The following RBMS1 variants were observed in gnomAD, a reference collection of about 807,000 sequenced individuals.
RBMS1 encodes the protein RNA binding motif single stranded interacting protein 1, also known as RNA-binding motif, single-stranded-interacting protein 1.
Under a neutral mutation model 62.3 loss-of-function variants are expected in RBMS1, and 17 were observed. The observed-to-expected ratio is 0.27, with a 90% CI of 0.19 to 0.41. The LOEUF is 0.41. RBMS1 is among the 10% of genes least tolerant of loss of function. The pLI is 1.00. For missense variants in RBMS1, 334 were observed against 504.5 expected (o/e 0.66, Z 3.24); for synonymous variants, 172 against 170.0 (o/e 1.01, Z -0.09).
At chr2:160,463,084 A>T (rs1684536804) in intron 1 of RBMS1, among the ~76,000 whole-genome samples, 1 of 144,642 alleles carries the variant, frequency 6.9e-6, no homozygotes, top group Non-Finnish European at 1.5e-5. Flanking sequence ...CGCTGTCAAG[A>T]GAAGAAAGAA....
chr2:160,298,627 G>A (rs1247202456), intron 6 of RBMS1, among the ~76,000 whole-genome samples: 1 of 152,128 alleles, frequency 6.6e-6, no homozygotes, highest in Admixed American at 6.5e-5. Flanking sequence ...GATGAGTGAG[G>A]GGCCAGCAGT....
At chr2:160,331,230 A>G (rs1032165743) in intron 2 of RBMS1, among the ~76,000 whole-genome samples, 2 of 152,174 alleles carry the variant, frequency 1.3e-5, no homozygotes, top group African/African-American at 2.4e-5. Context: ...ATAAAACTCC[A>G]GCCAGCTTGC....
At chr2:160,453,703 C>T (rs752878329) in intron 1 of RBMS1, among the ~76,000 whole-genome samples, 1 of 152,132 alleles carries the variant, frequency 6.6e-6, no homozygotes, top group Non-Finnish European at 1.5e-5. Context: ...TACAAAATAA[C>T]ACCCAAGCTC....
chr2:160,274,916 C>A (rs572592485), intron 13 of RBMS1, among the ~76,000 whole-genome samples, 152 bp from the exon 14 acceptor site: 43 of 152,304 alleles, frequency 2.8e-4, no homozygotes, highest in African/African-American at 9.9e-4. Flanking sequence ...GACTCTGGAA[C>A]TGATGGTTAC....
chr2:160,383,252 G>T (rs1373331637), intron 1 of RBMS1, among the ~76,000 whole-genome samples: 1 of 152,088 alleles, frequency 6.6e-6, no homozygotes, highest in African/African-American at 2.4e-5. Context: ...GCTGTTCCTT[G>T]CCTTGTGACG....
chr2:160,492,263 A>C (rs966835120), intron 1 of RBMS1, among the ~76,000 whole-genome samples: 3 of 152,092 alleles, frequency 2.0e-5, no homozygotes, highest in Non-Finnish European at 2.9e-5. Flanking sequence ...ACCCTCCCAA[A>C]TTCTGGCGGC....
At chr2:160,443,241 C>T (rs796065726) in intron 1 of RBMS1, among the ~76,000 whole-genome samples, 24 of 150,598 alleles carry the variant, frequency 1.6e-4, no homozygotes, top group African/African-American at 5.1e-4. Flanking sequence ...AAAACCTTGA[C>T]TTACACAGAA....
intron 1 of RBMS1, among the ~76,000 whole-genome samples, chr2:160,382,209 C>A (rs1359755081): frequency 6.6e-6 from 1 of 152,146 alleles, no homozygotes; most frequent in Admixed American, 6.5e-5. Context: ...GTGAAGTTGG[C>A]AAGGGCTAGA....
chr2:160,427,609 T>A (rs1682691606), intron 1 of RBMS1, among the ~76,000 whole-genome samples: 1 of 152,184 alleles, frequency 6.6e-6, no homozygotes, highest in South Asian at 2.1e-4. Flanking sequence ...TATCAAAGAC[T>A]AAAATTCTTG....
chr2:160,383,464 G>GA (rs55985692), intron 1 of RBMS1, among the ~76,000 whole-genome samples: 56,936 of 144,718 alleles, frequency 0.39, 12,552 homozygotes, highest in East Asian at 0.62. Context: ...GGGGGGGGGG[G>GA]AACTGACCCA....
At chr2:160,324,880 GTGTATATATATATATATA>G (rs1432415334) in intron 2 of RBMS1, among the ~76,000 whole-genome samples, 1 of 76,096 alleles carries the variant, frequency 1.3e-5, no homozygotes, top group Non-Finnish European at 2.8e-5. Flanking sequence ...GTGTGTGTGT[GTGTATATATATATATATA>G]TATATATATA....
intron 1 of RBMS1, among the ~76,000 whole-genome samples, chr2:160,379,780 T>C (rs1382742277): frequency 6.6e-6 from 1 of 152,248 alleles, no homozygotes; most frequent in African/African-American, 2.4e-5. Context: ...TCATAAAGCA[T>C]CATTTCATCT....
At chr2:160,464,727 A>C (rs531947148) in intron 1 of RBMS1, among the ~76,000 whole-genome samples, 2 of 152,206 alleles carry the variant, frequency 1.3e-5, no homozygotes, top group Non-Finnish European at 2.9e-5. Context: ...GAGTTCATTC[A>C]ATTGCCCATT....
intron 1 of RBMS1, among the ~76,000 whole-genome samples, chr2:160,372,146 C>T (rs1038440628): frequency 1.3e-5 from 2 of 152,126 alleles, no homozygotes; most frequent in Non-Finnish European, 1.5e-5. Flanking sequence ...AAGAACAGTG[C>T]TCTGACCAAT....
At chr2:160,349,434 T>C (rs1054538302) in intron 2 of RBMS1, among the ~76,000 whole-genome samples, 2 of 152,064 alleles carry the variant, frequency 1.3e-5, no homozygotes, top group African/African-American at 4.8e-5. Context: ...ATATGTATCA[T>C]GTGGGAGGAT....
chr2:160,391,076 T>A (rs756819787), intron 1 of RBMS1, among the ~76,000 whole-genome samples: 1 of 151,632 alleles, frequency 6.6e-6, no homozygotes, highest in African/African-American at 2.4e-5. Flanking sequence ...CACATTGTTA[T>A]GGGGTGAATT....
At chr2:160,345,484 C>G (rs1448426893) in intron 2 of RBMS1, among the ~76,000 whole-genome samples, 1 of 152,100 alleles carries the variant, frequency 6.6e-6, no homozygotes, top group Non-Finnish European at 1.5e-5. Flanking sequence ...AACAGCATTT[C>G]TATTTTAAAG....
At chr2:160,387,958 CTA>C (rs1404633010) in intron 1 of RBMS1, among the ~76,000 whole-genome samples, 4 of 152,208 alleles carry the variant, frequency 2.6e-5, no homozygotes, top group Admixed American at 6.5e-5. Context: ...ACCTCTGAAA[CTA>C]TTTCCAGTGT....
intron 1 of RBMS1, among the ~76,000 whole-genome samples, chr2:160,375,527 T>A (rs1017050868): frequency 6.6e-6 from 1 of 152,206 alleles, no homozygotes; most frequent in Non-Finnish European, 1.5e-5. Context: ...CTATAGAGAC[T>A]GTATGTTACT....
Sources: gnomAD v4.1 joint callset for allele counts (sites outside exome capture counted in the v4.1 genomes callset) on GRCh38, gnomAD v4.1.1 for gene constraint, MANE v1.5 for transcripts, NCBI Gene and HGNC (gene_info 2026-07-23, HGNC 2026-07-21) for gene names.